Variants in AIM2 observed in about 807,000 individuals in gnomAD.
AIM2 encodes the protein interferon-inducible protein AIM2.
A neutral mutation model predicts 27.7 loss-of-function variants in AIM2; 30 were observed. The observed-to-expected ratio is 1.08, with a 90% CI of 0.81 to 1.47. AIM2 has a LOEUF of 1.47. AIM2 is among the 40% of genes most tolerant of loss of function. The pLI is 0.00. For missense variants in AIM2, 358 were observed against 411.3 expected, an observed-to-expected ratio of 0.87 and a Z score of 1.12; for synonymous variants, 141 against 145.3, an observed-to-expected ratio of 0.97 and a Z score of 0.21.
chr1:159,058,195 A>G (rs1482139870), downstream of AIM2, among the ~76,000 whole-genome samples: 1 of 152,096 alleles, frequency 6.6e-6, no homozygotes, highest in Non-Finnish European at 1.5e-5. Flanking sequence ...CTCTACATAC[A>G]AACATTAGCC....
chr1:159,066,545 A>G (rs536774387), intron 3 of AIM2, among the ~76,000 whole-genome samples: 17 of 152,340 alleles, frequency 1.1e-4, no homozygotes, highest in Admixed American at 3.9e-4. Flanking sequence ...TATTCAGATA[A>G]GACGGTGTAA....
chr1:159,059,165 A>G (rs1655751674), downstream of AIM2, among the ~76,000 whole-genome samples: 1 of 152,080 alleles, frequency 6.6e-6, no homozygotes, highest in Non-Finnish European at 1.5e-5. Flanking sequence ...GTTTTACACT[A>G]CCTTTCTGCT....
At chr1:159,077,060 T>A (rs1656635989), upstream of AIM2, among the ~76,000 whole-genome samples, 1 of 152,200 alleles carries the variant, frequency 6.6e-6, no homozygotes, top group Non-Finnish European at 1.5e-5. Context: ...AGCACACTGA[T>A]CTCAGAGGGT....
intron 1 of AIM2, among the ~76,000 whole-genome samples, chr1:159,088,304 T>C (rs2102006381): frequency 6.6e-6 from 1 of 152,258 alleles, no homozygotes; most frequent in East Asian, 1.9e-4. Context: ...GTTTTTTCAA[T>C]AAAAGAACAT....
rs1277803014 is a variant in AIM2, at chr1:159,114,921, T to A, written c.-16+25510A>T. 2.6e-5 allele frequency among the ~76,000 whole-genome samples: 4 copies of A among 152,180 alleles called. No homozygotes were observed. In the East Asian group the frequency reaches 7.7e-4, roughly 29 times the overall value. Reference sequence around the variant, plus strand: ...CCTGTTTGCAGATGACATGATTGTATATCTAGAAAACCCCATCGTCTCAGC... The same window carrying A: ...CCTGTTTGCAGATGACATGATTGTAAATCTAGAAAACCCCATCGTCTCAGC... On this transcript the variant is annotated intron_variant, in intron 1 of 2. Transcript: ENST00000368129.
chr1:159,101,511 G>C, intron 1 of AIM2, among the ~76,000 whole-genome samples: 1 of 152,304 alleles, frequency 6.6e-6, no homozygotes, highest in Admixed American at 6.5e-5. Flanking sequence ...ATGTAGAAGC[G>C]ACTTTGGAAC....
intron 3 of AIM2, among the ~76,000 whole-genome samples, 197 bp from the exon 4 acceptor site, chr1:159,066,526 C>T (rs746407697): frequency 2.4e-4 from 37 of 152,160 alleles, no homozygotes; most frequent in African/African-American, 8.2e-4. Flanking sequence ...AGGAAGATTT[C>T]GACTCCTGTA....
rs142558736 is a variant in AIM2, at chr1:159,066,009, C to T, written c.717G>A (p.Pro239=). Residue 239 remains proline, a synonymous_variant, in exon 4 of 6, where the codon CCG becomes CCA. Transcript: ENST00000368130. ...DAESDQKVNV[P]LNIIRKAGET... Reference sequence around the variant, plus strand: ...CACCAGCTTTTCTGATAATGTTCAGCGGGACATTAACCTTTTGGTCAGATT... The same window carrying T: ...CACCAGCTTTTCTGATAATGTTCAGTGGGACATTAACCTTTTGGTCAGATT... 511 of 1,614,072 alleles carry T rather than the reference C, an allele frequency of 3.2e-4. 3 individuals are homozygous for T. Among genetic ancestry groups the T allele is most frequent in the South Asian group, 1.7e-3 (156 of 91,076 alleles).
intron 1 of AIM2, among the ~76,000 whole-genome samples, 186 bp downstream of exon 1, chr1:159,076,447 C>A (rs1435401217): frequency 1.3e-5 from 2 of 152,198 alleles, no homozygotes; most frequent in African/African-American, 2.4e-5. Flanking sequence ...AGCTCAGAGA[C>A]ACCAGAGGAC....
the AIM2 span, among the ~76,000 whole-genome samples, chr1:159,057,023 G>A: frequency 1.3e-5 from 2 of 152,132 alleles, no homozygotes; most frequent in African/African-American, 4.8e-5. Context: ...CTAAAAAGAG[G>A]GGAGCAGGCA....
At chr1:159,072,087 T>C (rs1000432350) in intron 2 of AIM2, among the ~76,000 whole-genome samples, 2 of 152,226 alleles carry the variant, frequency 1.3e-5, no homozygotes, top group African/African-American at 4.8e-5. Flanking sequence ...TTTGCCAATA[T>C]GCCTAGATTC....
chr1:159,059,851 C>T (rs931026203), downstream of AIM2, among the ~76,000 whole-genome samples: 2 of 152,152 alleles, frequency 1.3e-5, no homozygotes, highest in African/African-American at 4.8e-5. Context: ...ATAGCTTCAT[C>T]CTCTAATGCC....
In AIM2 at chr1:159,066,407, T is replaced by A. The variant is rs993736580; in HGVS notation, c.397-78A>T. On this transcript the variant is annotated intron_variant, in intron 3 of 5. Transcript: ENST00000368130. Reference sequence around the variant, plus strand: ...AAGGACCTTACTTCACCTACAGTGCTAAACCTCAGAAAGCCAGCAGAAGAT... The same window carrying A: ...AAGGACCTTACTTCACCTACAGTGCAAAACCTCAGAAAGCCAGCAGAAGAT... 23 of 1,445,106 alleles carry A rather than the reference T, an allele frequency of 1.6e-5. No individual in the cohort carries two copies. In the East Asian group the frequency reaches 5.2e-4, roughly 33 times the overall value. 89.5% of individuals were successfully genotyped at this position (1,445,106 alleles called of 1,614,324 possible). A position where few individuals can be genotyped will look rare whatever the true frequency, so the allele number is the denominator to read the frequency against.
intron 1 of AIM2, among the ~76,000 whole-genome samples, chr1:159,132,679 A>AC (rs1647920216): frequency 6.6e-6 from 1 of 152,208 alleles, no homozygotes; most frequent in South Asian, 2.1e-4. Context: ...GAATAGAGTA[A>AC]CACCCTGTAT....
Position 159,112,934 on chromosome 1 carries a change from C to CATATAT in AIM2, c.-16+27491_-16+27496dup, listed in dbSNP as rs71659252. 5.5e-5 allele frequency among the ~76,000 whole-genome samples: 8 copies of CATATAT among 146,544 alleles called. No homozygotes were observed. In the South Asian group the frequency reaches 1.1e-3, roughly 19 times the overall value. On this transcript the variant is annotated intron_variant, in intron 1 of 2. Transcript: ENST00000368129. ...ATGTTTCAAACCTAATATATACATA[C>CATATAT]ATATATATATATATATAATTTTTTT...
intron 1 of AIM2, among the ~76,000 whole-genome samples, chr1:159,112,850 C>G (rs1402985288): frequency 6.6e-6 from 1 of 151,506 alleles, no homozygotes; most frequent in Non-Finnish European, 1.5e-5. Context: ...GAGAGTTTTT[C>G]TACTAGACTT....
intron 3 of AIM2, among the ~76,000 whole-genome samples, chr1:159,067,349 A>G (rs1417335899): frequency 1.3e-5 from 2 of 152,176 alleles, no homozygotes; most frequent in Non-Finnish European, 2.9e-5. Context: ...TTTTGGGAGA[A>G]AATACTACTT....
At chr1:159,113,098 C>G (rs1476651759) in intron 1 of AIM2, among the ~76,000 whole-genome samples, 1 of 152,002 alleles carries the variant, frequency 6.6e-6, no homozygotes, top group Non-Finnish European at 1.5e-5. Context: ...GCATCCGCCA[C>G]CACGCCCAGC....
intron 1 of AIM2, among the ~76,000 whole-genome samples, chr1:159,098,685 G>T (rs1657252355): frequency 6.6e-6 from 1 of 152,148 alleles, no homozygotes; most frequent in South Asian, 2.1e-4. Context: ...AAGAGATAGG[G>T]ATTAGAGAAA....
Sources: gnomAD v4.1 joint callset for allele counts (sites outside exome capture counted in the v4.1 genomes callset) on GRCh38, gnomAD v4.1.1 for gene constraint, MANE v1.5 for transcripts, NCBI Gene and HGNC (gene_info 2026-07-23, HGNC 2026-07-21) for gene names.